GRSF1: variants seen among roughly 807,000 people sequenced by gnomAD.
The protein encoded by GRSF1 is G-rich RNA sequence binding factor 1.
A neutral mutation model predicts 51.1 loss-of-function variants in GRSF1; 50 were observed. The observed-to-expected ratio is 0.98, with a 90% CI of 0.78 to 1.24. The LOEUF (loss-of-function observed/expected upper bound fraction) is 1.24, where lower values mean the gene tolerates loss of function less well. GRSF1 is among the 50% of genes most tolerant of loss of function. GRSF1 has a pLI of 0.00. For synonymous variants in GRSF1, 293 were observed against 253.3 expected, an observed-to-expected ratio of 1.16 and a Z score of -1.49; for missense variants, 700 against 639.7, an observed-to-expected ratio of 1.09 and a Z score of -1.02.
chr4:70,842,483 TG>T (rs1201113944), upstream of GRSF1, among the ~76,000 whole-genome samples: 2 of 152,152 alleles, frequency 1.3e-5, no homozygotes, highest in Admixed American at 6.6e-5. Flanking sequence ...TTGCCCGAGC[TG>T]GGGTGCAGTG....
intron 9 of GRSF1, 76 bp downstream of exon 9, chr4:70,824,218 C>G: frequency 1.5e-6 from 1 of 667,750 alleles, no homozygotes. Flanking sequence ...GGTCCGCCCA[C>G]CTTGGCCTCC....
chr4:70,831,227 C>T (rs1041215186), intron 5 of GRSF1, among the ~76,000 whole-genome samples: 53 of 151,870 alleles, frequency 3.5e-4, no homozygotes, highest in Admixed American at 2.4e-3. Flanking sequence ...TGGTGGCAGG[C>T]GCCTGTAATC....
upstream of GRSF1, chr4:70,839,910 G>C: frequency 7.6e-7 from 1 of 1,318,472 alleles, no homozygotes; most frequent in Non-Finnish European, 9.9e-7. Flanking sequence ...GGCCGGTTGG[G>C]GGTGGGGTGT....
At chr4:70,840,340 A>C (rs536963328), upstream of GRSF1, among the ~76,000 whole-genome samples, 3 of 152,372 alleles carry the variant, frequency 2.0e-5, no homozygotes, top group African/African-American at 7.2e-5. Context: ...GGCCTGGCGC[A>C]GTGACTCATT....
chr4:70,827,497 T>C (rs570053453), intron 6 of GRSF1, among the ~76,000 whole-genome samples: 7 of 152,100 alleles, frequency 4.6e-5, no homozygotes, highest in Non-Finnish European at 8.8e-5. Context: ...TCCTATTAAA[T>C]CTTTAGGCCG....
Position 70,826,108 on chromosome 4 carries a change from TCTTA to T in GRSF1, c.1257+12_1257+15del. 6.2e-7 allele frequency: 1 copy of T among 1,602,854 alleles called. No individual in the cohort carries two copies. The highest frequency in any genetic ancestry group is 8.5e-7 in the Non-Finnish European group (1 of 1,173,518). Reference sequence around the variant, plus strand: ...TGTTCAAATCTATTGAGATTGGATATCTTACTGCCACACACGTTTATAATGTCTT... The same window carrying T: ...TGTTCAAATCTATTGAGATTGGATATCTGCCACACACGTTTATAATGTCTT... On this transcript the variant is annotated intron_variant, in intron 7 of 9. Coordinates refer to ENST00000254799, the MANE Select transcript of GRSF1 (RefSeq NM_002092.4).
At chr4:70,835,688 G>A (rs1371939640) in intron 2 of GRSF1, among the ~76,000 whole-genome samples, 2 of 152,010 alleles carry the variant, frequency 1.3e-5, no homozygotes, top group East Asian at 1.9e-4. Context: ...TGATCCGCCC[G>A]CCTCGGCCTC....
Position 70,824,356 on chromosome 4 carries a change from A to G in GRSF1, c.1406T>C (p.Ile469Thr), listed in dbSNP as rs1578294457. 1 of 1,468,092 alleles carries G rather than the reference A, an allele frequency of 6.8e-7. No individual in the cohort carries two copies. The highest frequency in any genetic ancestry group is 9.4e-7 in the Non-Finnish European group (1 of 1,058,482). 90.9% of individuals were successfully genotyped at this position (1,468,092 alleles called of 1,614,324 possible). A position where few individuals can be genotyped will look rare whatever the true frequency, so the allele number is the denominator to read the frequency against. ...TGGACATGAATTCAGGAACAGTTCA[A>G]TATACCTATGATCTGAGGATAATGA... ...KDRSHVHHRYIELFLNSCPKG... is the reference protein window; with the variant it reads ...KDRSHVHHRYTELFLNSCPKG... The change falls in exon 9 of 10, where the codon ATT becomes ACT. Residue 469 changes from isoleucine (I) to threonine (T), a missense_variant. By Grantham distance (89) the Ile-to-Thr change is moderately conservative. Coordinates refer to ENST00000254799, the MANE Select transcript of GRSF1 (RefSeq NM_002092.4).
At chr4:70,830,808 G>A (rs574217010) in intron 5 of GRSF1, among the ~76,000 whole-genome samples, 8 of 151,420 alleles carry the variant, frequency 5.3e-5, no homozygotes, top group Admixed American at 5.3e-4. Flanking sequence ...AGGCGGCAGA[G>A]TGAAACTCCG....
upstream of GRSF1, among the ~76,000 whole-genome samples, chr4:70,842,706 C>T (rs1734482117): frequency 6.6e-6 from 1 of 152,150 alleles, no homozygotes; most frequent in African/African-American, 2.4e-5. Context: ...GGAGACTCTG[C>T]CTATATTTAC....
chr4:70,826,269 T>G, intron 6 of GRSF1, 24 bp from the exon 7 acceptor site: 1 of 1,578,500 alleles, frequency 6.3e-7, no homozygotes, highest in South Asian at 1.2e-5. Flanking sequence ...CAGAAAGCAC[T>G]GTTAAAACAT....
At chr4:70,821,537 C>G (rs1405934285) in intron 9 of GRSF1, among the ~76,000 whole-genome samples, 1 of 146,532 alleles carries the variant, frequency 6.8e-6, no homozygotes, top group Non-Finnish European at 1.5e-5. Flanking sequence ...ACCCGGGGGG[C>G]GGAGGTTGCA....
rs1440770804 is a variant in GRSF1, at chr4:70,826,224, T to C, written c.1157A>G (p.Glu386Gly). 1.9e-6 allele frequency: 3 copies of C among 1,610,630 alleles called. No individual in the cohort carries two copies. In the South Asian group the frequency reaches 3.3e-5, roughly 18 times the overall value. The part of the protein sequence containing the change: ...KEIELPKEVP[E>G]KLPEAADFGT... ...AAAATCAGCAGCCTCTGGAAGCTTT[T>C]CTGGCACCTCCTTAGGCAATTCTGA... The change falls in exon 7 of 10, where the codon GAA becomes GGA. Residue 386 changes from glutamate to glycine, a missense_variant. Transcript: ENST00000254799.
At chr4:70,822,350 A>G (rs887890416) in intron 9 of GRSF1, among the ~76,000 whole-genome samples, 1 of 152,106 alleles carries the variant, frequency 6.6e-6, no homozygotes, top group East Asian at 1.9e-4. Flanking sequence ...TGGGAGGCTG[A>G]GGCTAGCGGA....
intron 1 of GRSF1, 73 bp downstream of exon 1, chr4:70,839,398 C>A: frequency 6.7e-7 from 1 of 1,491,794 alleles, no homozygotes; most frequent in Non-Finnish European, 8.9e-7. Flanking sequence ...CACGGAGGGA[C>A]GGAGGGGCGC....
chr4:70,822,565 A>G (rs1375496279), intron 9 of GRSF1, among the ~76,000 whole-genome samples: 1 of 150,398 alleles, frequency 6.6e-6, no homozygotes, highest in East Asian at 2.0e-4. Flanking sequence ...CCTGGGCAAA[A>G]AGAGTGAGAT....
chr4:70,821,587 C>G (rs1293024000), intron 9 of GRSF1, among the ~76,000 whole-genome samples: 1 of 134,078 alleles, frequency 7.5e-6, no homozygotes, highest in East Asian at 2.1e-4. Flanking sequence ...GCCTGGGCGA[C>G]AGAGAGAGAC....
chr4:70,824,871 G>A (rs536715265), intron 8 of GRSF1, among the ~76,000 whole-genome samples: 108 of 152,206 alleles, frequency 7.1e-4, no homozygotes, highest in South Asian at 1.5e-3. Context: ...GGGAGGTCGA[G>A]GCAGGTGGAC....
In GRSF1 at chr4:70,816,011, T is replaced by C. The variant is rs566222342; in HGVS notation, c.*4876A>G. The C allele has an allele frequency of 3.0e-4, 45 of 152,284 alleles. No individual in the cohort carries two copies. Among genetic ancestry groups the C allele is most frequent in the African/African-American group, 1.0e-3 (42 of 41,564 alleles). The allele number at this position is 152,284 out of a possible 1,614,324, so 9.4% of individuals were successfully genotyped here. On this transcript the variant is annotated 3_prime_UTR_variant, in exon 10 of 10. Coordinates refer to ENST00000254799, the MANE Select transcript of GRSF1 (RefSeq NM_002092.4). Reference sequence around the variant, plus strand: ...ATACTGCATAAGTGAGTCCGTTATATGAAGTTCTAGAATAGGCAAAATTAA... The same window carrying C: ...ATACTGCATAAGTGAGTCCGTTATACGAAGTTCTAGAATAGGCAAAATTAA...
Sources: allele counts gnomAD v4.1 joint callset (sites outside exome capture counted in the v4.1 genomes callset), GRCh38; gene constraint gnomAD v4.1.1; transcripts MANE v1.5; gene names NCBI Gene and HGNC (gene_info 2026-07-23, HGNC 2026-07-21).